The following HK2 variants were observed in gnomAD, a reference collection of about 807,000 sequenced individuals.
HK2 encodes hexokinase-2.
In HK2, 42 loss-of-function variants were observed where a neutral mutation model predicts 92.9. The ratio of observed to expected loss-of-function variants is 0.45; its 90% CI spans 0.35 to 0.58. The LOEUF (loss-of-function observed/expected upper bound fraction) is 0.58, where lower values mean the gene tolerates loss of function less well. Among genes scored for constraint, HK2 ranks in the 20% least tolerant of loss-of-function variants. HK2 has a pLI of 0.00. For synonymous variants in HK2, 422 were observed against 468.0 expected, an observed-to-expected ratio of 0.90 and a Z score of 1.27; for missense variants, 978 against 1,245.1, an observed-to-expected ratio of 0.79 and a Z score of 3.23.
chr2:74,841,012 C>CT (rs1688303407), intron 1 of HK2, among the ~76,000 whole-genome samples: 1 of 151,628 alleles, frequency 6.6e-6, no homozygotes, highest in South Asian at 2.1e-4. Flanking sequence ...TGGAGTGGCT[C>CT]TTTCTGCTTA....
At chr2:74,884,508 G>T (rs921073755) in intron 12 of HK2, among the ~76,000 whole-genome samples, 1 of 152,234 alleles carries the variant, frequency 6.6e-6, no homozygotes, top group Non-Finnish European at 1.5e-5. Flanking sequence ...TAGAGAGCTG[G>T]GTGGAGATCA....
At chr2:74,853,113 C>T (rs1242457269) in intron 1 of HK2, among the ~76,000 whole-genome samples, 1 of 152,012 alleles carries the variant, frequency 6.6e-6, no homozygotes, top group African/African-American at 2.4e-5. Flanking sequence ...AGGGCATGTA[C>T]CTGGAGGGCC....
At chr2:74,870,449 G>A (rs897153522) in intron 3 of HK2, among the ~76,000 whole-genome samples, 2 of 143,880 alleles carry the variant, frequency 1.4e-5, no homozygotes, top group African/African-American at 2.8e-5. Context: ...AGAAAGCAGT[G>A]ATCAGAGCTG....
chr2:74,834,723 G>C lies in HK2; in HGVS notation c.63+80G>C, dbSNP rs1171998041. ...CCATCAGTCTCTTCCTCGACCCTGC[G>C]GGGACCCGCTTCCTCCCTACTCCGG... On this transcript the variant is annotated intron_variant, in intron 1 of 17. Transcript: ENST00000290573. The surrounding 1 kb of genome is among the most constrained non-coding windows in gnomAD (Gnocchi z 4.2). The C allele has an allele frequency of 1.3e-6, 2 of 1,492,110 alleles. No individual in the cohort carries two copies. The highest frequency in any genetic ancestry group is 1.9e-6 in the Non-Finnish European group (2 of 1,069,986). The allele number at this position is 1,492,110 out of a possible 1,614,324, so 92.4% of individuals were successfully genotyped here.
intron 2 of HK2, among the ~76,000 whole-genome samples, chr2:74,855,496 A>G (rs888925964): frequency 1.3e-5 from 2 of 152,144 alleles, no homozygotes; most frequent in African/African-American, 4.8e-5. Flanking sequence ...CGGCCTCCCA[A>G]AGTGCTGGGA....
intron 2 of HK2, among the ~76,000 whole-genome samples, chr2:74,860,593 C>T (rs1281398303): frequency 1.3e-5 from 2 of 152,072 alleles, no homozygotes; most frequent in African/African-American, 2.4e-5. Context: ...GTGTCTCGTT[C>T]CTTTTGGCTG....
intron 2 of HK2, among the ~76,000 whole-genome samples, chr2:74,856,458 C>T (rs72820071): frequency 0.015 from 2,306 of 152,176 alleles, 32 homozygotes; most frequent in Non-Finnish European, 0.021. Flanking sequence ...GCATGTTTAC[C>T]TACCACTCCC....
intron 17 of HK2, among the ~76,000 whole-genome samples, chr2:74,890,107 C>T (rs1689639418): frequency 6.6e-6 from 1 of 152,086 alleles, no homozygotes; most frequent in Admixed American, 6.6e-5. Flanking sequence ...CAGGCAACAG[C>T]CACAGGCTGT....
intron 2 of HK2, among the ~76,000 whole-genome samples, chr2:74,863,065 C>T (rs1688867556): frequency 6.6e-6 from 1 of 152,260 alleles, no homozygotes; most frequent in African/African-American, 2.4e-5. Flanking sequence ...ATGTTTTAAC[C>T]CTTTGAAGAG....
chr2:74,847,721 T>G (rs919978458), intron 1 of HK2, among the ~76,000 whole-genome samples: 2 of 151,660 alleles, frequency 1.3e-5, no homozygotes, highest in African/African-American at 4.8e-5. Flanking sequence ...TAAACAAACT[T>G]GACGAAGCTC....
rs1278674272 is a variant in HK2 at position 74,854,467 on chromosome 2, G to A, written c.226+12G>A. The A allele has an allele frequency of 5.6e-6, 9 of 1,613,790 alleles. No individual in the cohort carries two copies. Among genetic ancestry groups the A allele is most frequent in the African/African-American group, 5.3e-5 (4 of 74,938 alleles). On this transcript the variant is annotated intron_variant, in intron 2 of 17. Transcript: ENST00000290573. ...TCCAGATGGGACAGGTACTGCATCT[G>A]GGGGATGGCTCTAGCTGCTGCGTTA...
At chr2:74,887,356 GT>G (rs1042719035) in intron 15 of HK2, among the ~76,000 whole-genome samples, 7 of 150,252 alleles carry the variant, frequency 4.7e-5, no homozygotes, top group African/African-American at 1.5e-4. Flanking sequence ...TAGGGACCTC[GT>G]TTTTTTTTCA....
intron 1 of HK2, among the ~76,000 whole-genome samples, chr2:74,848,326 G>A (rs1180995789): frequency 6.6e-6 from 1 of 152,202 alleles, no homozygotes; most frequent in Non-Finnish European, 1.5e-5. Context: ...GAGCAGGGCT[G>A]TTGATTTCTT....
At chr2:74,876,561 G>A (rs28363009) in intron 7 of HK2, among the ~76,000 whole-genome samples, 3,314 of 152,246 alleles carry the variant, frequency 0.022, 61 homozygotes, top group African/African-American at 0.047. Flanking sequence ...TTAGAAGCCT[G>A]TTTCACTCCC....
chr2:74,886,236 C>A, intron 13 of HK2, 58 bp from the exon 14 acceptor site: 1 of 1,223,772 alleles, frequency 8.2e-7, no homozygotes, highest in South Asian at 1.2e-5. Context: ...ATGCAATTGT[C>A]TGAAAGGAGA....
chr2:74,854,242 C>T (rs371308214), intron 1 of HK2, 51 bp from the exon 2 acceptor site: 153 of 1,564,976 alleles, frequency 9.8e-5, no homozygotes, highest in Non-Finnish European at 1.1e-4. Context: ...TACACCTATG[C>T]CATAATTTAT....
Position 74,881,796 on chromosome 2 carries a change from AG to A in HK2, c.1657del (p.Val553TrpfsTer39). 1 of 1,613,974 alleles carries A rather than the reference AG, an allele frequency of 6.2e-7. No homozygotes were observed. Among genetic ancestry groups the A allele is most frequent in the Non-Finnish European group, 8.5e-7 (1 of 1,179,956 alleles). The part of the protein sequence containing the change: ...VRVRNGKWGG[V>X]EMHNKIYAIP... ...GTGTTCGGAATGGGAAGTGGGGTGG[AG>A]TGGAGATGCACAACAAGATCTACGC... On this transcript the variant is annotated frameshift_variant, in exon 11 of 18. Transcript: ENST00000290573. LOFTEE classifies it high-confidence loss of function.
intron 1 of HK2, chr2:74,835,102 G>A (rs28362961): frequency 8.5e-4 from 215 of 252,608 alleles, no homozygotes; most frequent in African/African-American, 4.8e-3. Flanking sequence ...CGCGGACCGC[G>A]TGTAGGAGAC....
chr2:74,870,394 C>T (rs1049527369), intron 3 of HK2, among the ~76,000 whole-genome samples: 10 of 152,032 alleles, frequency 6.6e-5, no homozygotes, highest in African/African-American at 1.9e-4. Flanking sequence ...TGCTTCTTCA[C>T]GGTCTATTTT....
Sources: gnomAD v4.1 joint callset for allele counts (sites outside exome capture counted in the v4.1 genomes callset) on GRCh38, gnomAD v4.1.1 for gene constraint, Gnocchi (gnomAD v3.1) non-coding constraint, MANE v1.5 for transcripts, NCBI Gene and HGNC (gene_info 2026-07-23, HGNC 2026-07-21) for gene names.